DIP2A: variants seen among roughly 807,000 people sequenced by gnomAD.
The protein encoded by DIP2A is disco-interacting protein 2 homolog A.
In DIP2A, 85 loss-of-function variants were observed where a neutral mutation model predicts 177.4. The ratio of observed to expected loss-of-function variants is 0.48; its 90% CI spans 0.40 to 0.57. DIP2A has a LOEUF of 0.57. DIP2A is among the 20% of genes least tolerant of loss of function. The pLI is 0.00. For synonymous variants in DIP2A, 886 were observed against 881.8 expected, an observed-to-expected ratio of 1.00 and a Z score of -0.08; for missense variants, 1,791 against 2,100.2, an observed-to-expected ratio of 0.85 and a Z score of 2.88.
At chr21:46,495,878 C>T (rs1477019581) in intron 3 of DIP2A, among the ~76,000 whole-genome samples, 1 of 151,954 alleles carries the variant, frequency 6.6e-6, no homozygotes, top group African/African-American at 2.4e-5. Flanking sequence ...TCAAGACCAG[C>T]TTGGCCAACA....
At chr21:46,572,421 G>A (rs1382879758), downstream of DIP2A, among the ~76,000 whole-genome samples, 1 of 152,126 alleles carries the variant, frequency 6.6e-6, no homozygotes, top group South Asian at 2.1e-4. Context: ...AGTTCTACCA[G>A]CTCCATTAAT....
intron 2 of DIP2A, among the ~76,000 whole-genome samples, chr21:46,485,800 C>T (rs964996834): frequency 4.6e-5 from 7 of 151,970 alleles, no homozygotes; most frequent in African/African-American, 1.2e-4. Context: ...AGGCCAGGCG[C>T]GGTGGCTCAC....
At chr21:46,484,655 A>G (rs1668745276) in intron 1 of DIP2A, 102 bp from the exon 2 acceptor site, 4 of 968,994 alleles carry the variant, frequency 4.1e-6, no homozygotes, top group South Asian at 1.7e-5. Context: ...ACTTCATGGA[A>G]GGACATCAGT....
chr21:46,501,559 A>G (rs1465701910), intron 5 of DIP2A, among the ~76,000 whole-genome samples: 5 of 152,178 alleles, frequency 3.3e-5, no homozygotes, highest in Non-Finnish European at 7.4e-5. Context: ...AGCTGGGACT[A>G]TAGGCAAATG....
downstream of DIP2A, among the ~76,000 whole-genome samples, chr21:46,573,581 T>G (rs2060979276): frequency 7.4e-6 from 1 of 134,976 alleles, no homozygotes; most frequent in Non-Finnish European, 1.5e-5. Flanking sequence ...TGGGTGGAGA[T>G]TGCAGTGCAC....
chr21:46,460,295 C>T (rs1267793459), intron 1 of DIP2A, among the ~76,000 whole-genome samples: 1 of 152,132 alleles, frequency 6.6e-6, no homozygotes, highest in Non-Finnish European at 1.5e-5. Flanking sequence ...GATGTTATCC[C>T]TTTCAAGGCC....
At chr21:46,524,428 T>G (rs1168406261) in intron 8 of DIP2A, among the ~76,000 whole-genome samples, 1 of 152,174 alleles carries the variant, frequency 6.6e-6, no homozygotes, top group Non-Finnish European at 1.5e-5. Flanking sequence ...TTTACCCTGG[T>G]AAATGCACCC....
At chr21:46,489,888 T>C (rs538233156) in intron 2 of DIP2A, among the ~76,000 whole-genome samples, 1 of 152,290 alleles carries the variant, frequency 6.6e-6, no homozygotes, top group Admixed American at 6.5e-5. Flanking sequence ...GTAATGTGTC[T>C]TGAGGGCATC....
intron 33 of DIP2A, 74 bp downstream of exon 33, chr21:46,560,857 A>C (rs1406821333): frequency 6.5e-7 from 1 of 1,541,454 alleles, no homozygotes; most frequent in South Asian, 1.2e-5. Context: ...TGCACTGACT[A>C]TGCACCCCCG....
chr21:46,473,826 C>G (rs1012544172), intron 1 of DIP2A, among the ~76,000 whole-genome samples: 5 of 152,136 alleles, frequency 3.3e-5, no homozygotes, highest in Non-Finnish European at 7.4e-5. Context: ...AGGTGCTTTA[C>G]TTTAAACAGG....
At chr21:46,581,843 C>G in the DIP2A span, among the ~76,000 whole-genome samples, 52 of 152,272 alleles carry the variant, frequency 3.4e-4, no homozygotes, top group African/African-American at 1.2e-3. Flanking sequence ...CAGAGGGACA[C>G]CAACCTGATG....
At chr21:46,465,489 G>A (rs2054741242) in intron 1 of DIP2A, among the ~76,000 whole-genome samples, 3 of 152,142 alleles carry the variant, frequency 2.0e-5, no homozygotes, top group Admixed American at 6.5e-5. Context: ...CAGGAGAATC[G>A]CTCAAACCCA....
intron 32 of DIP2A, 141 bp from the exon 33 acceptor site, chr21:46,560,581 G>A (rs560927545): frequency 6.8e-5 from 74 of 1,090,952 alleles, no homozygotes; most frequent in Non-Finnish European, 8.2e-5. Flanking sequence ...ACCCCTAGGC[G>A]GACTCACTGC....
At chr21:46,460,695 G>A (rs1184179686) in intron 1 of DIP2A, among the ~76,000 whole-genome samples, 2 of 152,072 alleles carry the variant, frequency 1.3e-5, no homozygotes, top group African/African-American at 4.8e-5. Context: ...GTGACATGTG[G>A]CACATTTTTT....
intron 25 of DIP2A, 90 bp downstream of exon 25, chr21:46,551,994 T>A: frequency 3.5e-6 from 5 of 1,421,286 alleles, no homozygotes; most frequent in Non-Finnish European, 4.8e-6. Context: ...AGTGTCCTGG[T>A]TGTTCTCATG....
chr21:46,504,458 G>A lies in DIP2A; in HGVS notation c.753G>A (p.Gly251=). The change falls in exon 6 of 38, where the codon GGG becomes GGA. Residue 251 remains glycine, a synonymous_variant. Transcript: ENST00000417564. ...CTTCTGTGAGAAGTGTTCCTCGGGGGTGCAGCGGGAGCATGCTGGAAACAG... is the reference window on the plus strand; with the variant it reads ...CTTCTGTGAGAAGTGTTCCTCGGGGATGCAGCGGGAGCATGCTGGAAACAG... ...QVASVRSVPR[G]CSGSMLETAD... The A allele has an allele frequency of 6.2e-7, 1 of 1,612,524 alleles. No homozygotes were observed. Among genetic ancestry groups the A allele is most frequent in the Non-Finnish European group, 8.5e-7 (1 of 1,179,004 alleles).
intron 21 of DIP2A, chr21:46,547,272 A>T: frequency 7.9e-7 from 1 of 1,264,744 alleles, no homozygotes; most frequent in Non-Finnish European, 1.0e-6. Context: ...TAAGGTTTTG[A>T]TGTAAAATTT....
At chr21:46,480,113 G>A (rs889381200) in intron 1 of DIP2A, among the ~76,000 whole-genome samples, 4 of 144,690 alleles carry the variant, frequency 2.8e-5, no homozygotes, top group African/African-American at 1.0e-4. Flanking sequence ...GTCAGGTATT[G>A]TATTAGTCTG....
At chr21:46,538,933 CT>C in intron 16 of DIP2A, 2 of 244,124 alleles carry the variant, frequency 8.2e-6, no homozygotes, top group Non-Finnish European at 1.6e-5. Flanking sequence ...CCCTCCTGCC[CT>C]TTGTCCTGGT....
Sources: gnomAD v4.1 joint callset for allele counts (sites outside exome capture counted in the v4.1 genomes callset) on GRCh38, gnomAD v4.1.1 for gene constraint, MANE v1.5 for transcripts, NCBI Gene and HGNC (gene_info 2026-07-23, HGNC 2026-07-21) for gene names.